The following RGS22 variants were observed in gnomAD, a reference collection of about 807,000 sequenced individuals.
RGS22 encodes regulator of G protein signaling 22, also known as regulator of G-protein signaling 22.
RGS22 carries 148 observed loss-of-function variants against 172.9 expected under a neutral mutation model. The observed-to-expected ratio is 0.86, with a 90% CI of 0.75 to 0.98. RGS22 has a LOEUF of 0.98. RGS22 is among the 50% of genes least tolerant of loss of function. RGS22 has a pLI of 0.00. For missense variants in RGS22, 1,347 were observed against 1,440.8 expected (o/e 0.93, Z 1.05); for synonymous variants, 458 against 480.2 (o/e 0.95, Z 0.60).
In RGS22 at chr8:100,040,080, G is replaced by A. The variant is rs1586083616; in HGVS notation, c.1946C>T (p.Thr649Ile). 6.2e-7 allele frequency: 1 copy of A among 1,607,384 alleles called. No homozygotes were observed. The highest frequency in any genetic ancestry group is 8.5e-7 in the Non-Finnish European group (1 of 1,178,118). ...YAYTEEPRVKTVSDVGALGGS... is the reference protein window; with the variant it reads ...YAYTEEPRVKIVSDVGALGGS... ...TCCCAAGGCACCAACATCTGACACGGTTTTAACCTAGATAACAAAACAGAA... is the reference window on the plus strand; with the variant it reads ...TCCCAAGGCACCAACATCTGACACGATTTTAACCTAGATAACAAAACAGAA... Residue 649 changes from threonine (T) to isoleucine (I), a missense_variant, in exon 13 of 28, where the codon ACC becomes ATC. Physicochemically the swap from Thr to Ile is moderately conservative, Grantham distance 89. Transcript: ENST00000360863.
chr8:100,049,512 C>T (rs1428064916), intron 10 of RGS22, among the ~76,000 whole-genome samples: 1 of 152,126 alleles, frequency 6.6e-6, no homozygotes, highest in Admixed American at 6.6e-5. Flanking sequence ...TAATCTCTAC[C>T]CACTCCTTTG....
At chr8:99,962,340 G>A (rs1810292179) in intron 27 of RGS22, 54 bp downstream of exon 27, 1 of 1,093,524 alleles carries the variant, frequency 9.1e-7, no homozygotes, top group Non-Finnish European at 1.4e-6. Flanking sequence ...GTACATGAAT[G>A]AGTGTATTAC....
At chr8:100,081,886 C>T (rs183967903) in intron 3 of RGS22, among the ~76,000 whole-genome samples, 2 of 146,760 alleles carry the variant, frequency 1.4e-5, no homozygotes, top group Admixed American at 6.8e-5. Context: ...AACAAGAGAA[C>T]AAGTTTGACT....
chr8:99,971,347 A>G (rs1811317777), intron 23 of RGS22, among the ~76,000 whole-genome samples: 1 of 152,202 alleles, frequency 6.6e-6, no homozygotes, highest in Admixed American at 6.5e-5. Context: ...CACCATTCCT[A>G]TTCAACATAG....
intron 13 of RGS22, among the ~76,000 whole-genome samples, chr8:100,039,666 G>A (rs3133699): frequency 0.58 from 87,759 of 151,794 alleles, 25,548 homozygotes; most frequent in Admixed American, 0.64. Context: ...ATGAGCCACC[G>A]CGCCTGGCCA....
intron 21 of RGS22, among the ~76,000 whole-genome samples, chr8:99,986,183 T>C (rs751057128): frequency 1.3e-5 from 2 of 152,002 alleles, no homozygotes; most frequent in African/African-American, 2.4e-5. Flanking sequence ...TGAGCTGTCA[T>C]TGTGCTACTG....
chr8:100,051,435 T>C (rs1440388880), intron 10 of RGS22, among the ~76,000 whole-genome samples: 37 of 109,594 alleles, frequency 3.4e-4, no homozygotes, highest in Non-Finnish European at 5.2e-4. Flanking sequence ...TTTATATATT[T>C]ATATATTTAT....
chr8:100,001,202 T>TTATATATATATATATTTACA (rs1815013638), intron 18 of RGS22, among the ~76,000 whole-genome samples: 1 of 124,780 alleles, frequency 8.0e-6, no homozygotes, highest in Non-Finnish European at 1.6e-5. Context: ...TCCCAATTTT[T>TTATATATATATATATTTACA]TATATATATA....
intron 14 of RGS22, among the ~76,000 whole-genome samples, chr8:100,030,442 G>A (rs1818667486): frequency 6.6e-6 from 1 of 152,196 alleles, no homozygotes; most frequent in African/African-American, 2.4e-5. Flanking sequence ...AGGAATCCCA[G>A]AAGAAGGCAT....
intron 10 of RGS22, among the ~76,000 whole-genome samples, chr8:100,048,909 A>T (rs1820999562): frequency 6.6e-6 from 1 of 152,204 alleles, no homozygotes; most frequent in South Asian, 2.1e-4. Context: ...GATCTGTTTC[A>T]CAACATTGTG....
intron 23 of RGS22, among the ~76,000 whole-genome samples, chr8:99,975,400 TTAA>T (rs1437373612): frequency 7.9e-5 from 12 of 152,138 alleles, no homozygotes; most frequent in Admixed American, 7.9e-4. Context: ...CACTCTTGCT[TTAA>T]TAATGGAAAT....
intron 14 of RGS22, among the ~76,000 whole-genome samples, chr8:100,018,021 A>G (rs1429141572): frequency 5.9e-5 from 9 of 151,750 alleles, no homozygotes; most frequent in Admixed American, 5.2e-4. Flanking sequence ...ACCCAGCAGG[A>G]AAGTTTTTGA....
At chr8:100,104,648 A>G (rs986529482) in intron 2 of RGS22, among the ~76,000 whole-genome samples, 1 of 152,174 alleles carries the variant, frequency 6.6e-6, no homozygotes, top group Non-Finnish European at 1.5e-5. Flanking sequence ...TGACTATACA[A>G]TCATGCATGT....
At chr8:100,044,183 T>C (rs1414132799) in intron 11 of RGS22, among the ~76,000 whole-genome samples, 1 of 152,170 alleles carries the variant, frequency 6.6e-6, no homozygotes, top group African/African-American at 2.4e-5. Flanking sequence ...TCTTCCCAAA[T>C]TCTTACAAAA....
intron 6 of RGS22, among the ~76,000 whole-genome samples, chr8:100,070,046 A>C (rs1307535958): frequency 3.3e-5 from 4 of 120,248 alleles, no homozygotes; most frequent in South Asian, 2.7e-4. Flanking sequence ...AAAAAAAAAA[A>C]AACAAAACAA....
At chr8:99,990,050 C>T (rs1180586503) in intron 20 of RGS22, among the ~76,000 whole-genome samples, 2 of 152,090 alleles carry the variant, frequency 1.3e-5, no homozygotes, top group African/African-American at 4.8e-5. Context: ...GAATGCACAG[C>T]TTGTCTCAGT....
chr8:100,091,720 A>C lies in RGS22; in HGVS notation c.117+1727T>G, dbSNP rs551981665. Among the ~76,000 whole-genome samples the C allele has an allele frequency of 1.1e-4, 17 of 152,330 alleles. No individual in the cohort carries two copies. The South Asian group carries it at 3.3e-3, about 30-fold the overall frequency. On this transcript the variant is annotated intron_variant, in intron 3 of 27. Coordinates refer to ENST00000360863, the MANE Select transcript of RGS22 (RefSeq NM_015668.5). ...ATCTATATAGAGATTTTTCTATTTA[A>C]AATTTCACAAAAATGTACTTGTTTT... is the stretch of plus-strand genomic sequence containing the variant.
intron 14 of RGS22, among the ~76,000 whole-genome samples, chr8:100,008,891 C>G (rs1050036765): frequency 1.3e-5 from 2 of 151,946 alleles, no homozygotes; most frequent in Non-Finnish European, 2.9e-5. Flanking sequence ...CACAACATTT[C>G]TAAAACACTT....
rs201688241 is a variant in RGS22, at chr8:100,017,313, TA to T, written c.2167-8745del. On this transcript the variant is annotated intron_variant, in intron 14 of 27. Transcript: ENST00000360863. The stretch of plus-strand genomic sequence containing the variant: ...TGAAAAATCACAGAACTGGAAGCAT[TA>T]AAAAGGGGCTTGTGAGGTCATCCAA... Among the ~76,000 whole-genome samples the T allele has an allele frequency of 7.7e-3, 1,173 of 152,132 alleles. 9 individuals carry two copies. The highest frequency in any genetic ancestry group is 0.017 in the Middle Eastern group (5 of 294).
Sources: gnomAD v4.1 joint callset for allele counts (sites outside exome capture counted in the v4.1 genomes callset) on GRCh38, gnomAD v4.1.1 for gene constraint, MANE v1.5 for transcripts, NCBI Gene and HGNC (gene_info 2026-07-23, HGNC 2026-07-21) for gene names.